The following FRMPD4 variants were observed in gnomAD, a reference collection of about 807,000 sequenced individuals.
FRMPD4 encodes the protein FERM and PDZ domain containing 4.
A neutral mutation model predicts 94.1 loss-of-function variants in FRMPD4; 22 were observed. That is an observed-to-expected ratio of 0.23 (90% CI 0.17 to 0.33). The LOEUF is 0.33. Among genes scored for constraint, FRMPD4 ranks in the 10% least tolerant of loss-of-function variants. FRMPD4 has a pLI of 1.00. For missense variants in FRMPD4, 1,111 were observed against 1,339.9 expected (o/e 0.83, Z 2.67); for synonymous variants, 631 against 548.6 (o/e 1.15, Z -2.10).
chrX:11,965,703 T>C (rs2054306349), intron 3 of FRMPD4, among the ~76,000 whole-genome samples: 1 of 112,102 alleles, frequency 8.9e-6, no homozygotes. Context: ...CAATAGGACA[T>C]GGTTCCTGTC....
chrX:12,165,739 G>C (rs955645584), intron 1 of FRMPD4, among the ~76,000 whole-genome samples: 4 of 110,995 alleles, frequency 3.6e-5, no homozygotes, highest in African/African-American at 6.6e-5. Context: ...GCAGTGGTTT[G>C]TAGTTCTCCT....
chrX:12,320,077 T>C (rs1042176802), intron 1 of FRMPD4, among the ~76,000 whole-genome samples: 14 of 112,010 alleles, frequency 1.2e-4, no homozygotes, highest in African/African-American at 4.5e-4. Context: ...TTATCAGCAT[T>C]TATAAAGCAT....
intron 1 of FRMPD4, among the ~76,000 whole-genome samples, chrX:12,372,829 G>A (rs1022212790): frequency 8.9e-6 from 1 of 112,203 alleles, no homozygotes; most frequent in African/African-American, 3.2e-5. Context: ...CCTCAGAGGA[G>A]AGTGAGCTCT....
Position 12,332,207 on chromosome X carries a change from T to TATAG in FRMPD4, c.42-166472_42-166471insTAGA, listed in dbSNP as rs1381323732. 2.6e-3 allele frequency among the ~76,000 whole-genome samples: 157 copies of TATAG among 59,535 alleles called. 10 individuals are homozygous for TATAG. Among genetic ancestry groups the TATAG allele is most frequent in the South Asian group, 0.012 (16 of 1,369 alleles). 51.7% of individuals were successfully genotyped at this position (59,535 alleles called of 115,157 possible). A position where few individuals can be genotyped will look rare whatever the true frequency, so the allele number is the denominator to read the frequency against. On this transcript the variant is annotated intron_variant, in intron 1 of 16. Transcript: ENST00000675598. ...TTTATATTTTATATATATATATATATAGAGAGAGAGAGAGAGAGAGAGAGA... is the reference window on the plus strand; with the variant it reads ...TTTATATTTTATATATATATATATATATAGAGAGAGAGAGAGAGAGAGAGAGAGA...
In FRMPD4 at chrX:12,718,657, A is replaced by G; in HGVS notation, c.3831A>G (p.Glu1277=). 1 of 1,208,610 alleles carries G rather than the reference A, an allele frequency of 8.3e-7. No homozygotes were observed. Among genetic ancestry groups the G allele is most frequent in the Non-Finnish European group, 1.1e-6 (1 of 892,533 alleles). ...GLPNHGATFK[E]LHPQTEGMCP... ...CCAACCACGGAGCCACCTTTAAGGA[A>G]CTGCACCCACAGACAGAAGGGATGT... Residue 1277 remains glutamate (E), a synonymous_variant, in exon 16 of 17, where the codon GAA becomes GAG. Transcript: ENST00000675598.
intron 3 of FRMPD4, among the ~76,000 whole-genome samples, chrX:11,897,080 C>T (rs1251398124): frequency 1.9e-5 from 2 of 107,945 alleles, no homozygotes; most frequent in Non-Finnish European, 3.8e-5. Flanking sequence ...ACTCTGCTTT[C>T]CTGAAAAACC....
intron 1 of FRMPD4, among the ~76,000 whole-genome samples, chrX:12,284,072 C>G (rs2054564825): frequency 2.7e-5 from 3 of 111,696 alleles, no homozygotes; most frequent in Admixed American, 1.9e-4. Context: ...TAGCACTTCT[C>G]TCATTTATTT....
At chrX:12,133,491 C>T (rs2055570110), upstream of FRMPD4, among the ~76,000 whole-genome samples, 1 of 111,117 alleles carries the variant, frequency 9.0e-6, no homozygotes, top group Admixed American at 9.6e-5. Context: ...GTAGCATGAT[C>T]AGAGCTCAAT....
intron 1 of FRMPD4, among the ~76,000 whole-genome samples, chrX:12,176,779 A>G (rs1440469703): frequency 1.8e-5 from 2 of 112,387 alleles, no homozygotes; most frequent in African/African-American, 3.2e-5. Flanking sequence ...CAAAGATAAT[A>G]TAAGGAAATG....
intron 3 of FRMPD4, among the ~76,000 whole-genome samples, chrX:12,128,019 C>T (rs2055515611): frequency 8.9e-6 from 1 of 112,823 alleles, no homozygotes; most frequent in Admixed American, 9.3e-5. Flanking sequence ...CAAGGCACAG[C>T]CACCTCCCAG....
At chrX:12,032,212 C>T (rs1303701035) in intron 3 of FRMPD4, among the ~76,000 whole-genome samples, 2 of 111,632 alleles carry the variant, frequency 1.8e-5, no homozygotes, top group Admixed American at 9.5e-5. Flanking sequence ...GTACTTGAAG[C>T]CATAGAAGTT....
chrX:12,048,886 C>A (rs866909445), intron 3 of FRMPD4, among the ~76,000 whole-genome samples: 2 of 111,605 alleles, frequency 1.8e-5, no homozygotes, highest in Middle Eastern at 4.6e-3. Flanking sequence ...TTGGTTACTG[C>A]AGCCTTATAG....
intron 1 of FRMPD4, among the ~76,000 whole-genome samples, chrX:12,415,739 C>G (rs1185106957): frequency 8.9e-6 from 1 of 112,099 alleles, no homozygotes; most frequent in African/African-American, 3.2e-5. Flanking sequence ...TGGTTTATTG[C>G]TCATGTAGCA....
chrX:12,073,824 T>A (rs895099167), intron 3 of FRMPD4, among the ~76,000 whole-genome samples: 3 of 112,102 alleles, frequency 2.7e-5, no homozygotes, highest in African/African-American at 9.7e-5. Context: ...CATGTCTCGA[T>A]CTTCCTGTGT....
chrX:12,179,478 A>G (rs1288442685), intron 1 of FRMPD4, among the ~76,000 whole-genome samples: 1 of 111,987 alleles, frequency 8.9e-6, no homozygotes, highest in Non-Finnish European at 1.9e-5. Context: ...TGGATGATAG[A>G]GATTTGAAAG....
intron 4 of FRMPD4, among the ~76,000 whole-genome samples, chrX:12,616,687 G>A (rs898754640): frequency 1.8e-5 from 2 of 112,556 alleles, no homozygotes; most frequent in African/African-American, 3.2e-5. Context: ...TTGGGAAGGA[G>A]CTGCAGTGTT....
At chrX:12,176,980 C>T (rs1003939284) in intron 1 of FRMPD4, among the ~76,000 whole-genome samples, 13 of 111,547 alleles carry the variant, frequency 1.2e-4, no homozygotes, top group African/African-American at 2.0e-4. Context: ...TGTGACATTT[C>T]GTTTTCTGTG....
intron 1 of FRMPD4, among the ~76,000 whole-genome samples, chrX:12,429,306 T>C (rs183828009): frequency 2.1e-4 from 24 of 111,993 alleles, no homozygotes; most frequent in African/African-American, 7.5e-4. Context: ...AGGATGGTTG[T>C]TTGACTGCAA....
At chrX:12,271,538 C>T (rs1370787606) in intron 1 of FRMPD4, among the ~76,000 whole-genome samples, 1 of 111,986 alleles carries the variant, frequency 8.9e-6, no homozygotes, top group Non-Finnish European at 1.9e-5. Flanking sequence ...TGTGCTGTAC[C>T]ATTCGAGAGG....
Sources: gnomAD v4.1 joint callset for allele counts (sites outside exome capture counted in the v4.1 genomes callset) on GRCh38, gnomAD v4.1.1 for gene constraint, MANE v1.5 for transcripts, NCBI Gene and HGNC (gene_info 2026-07-23, HGNC 2026-07-21) for gene names.